Variants in PPP1R13B observed in about 807,000 individuals in gnomAD.
The protein encoded by PPP1R13B is protein phosphatase 1 regulatory subunit 13B.
In PPP1R13B, 44 loss-of-function variants were observed where a neutral mutation model predicts 119.8. That is an observed-to-expected ratio of 0.37 (90% confidence interval 0.29 to 0.47). PPP1R13B has a LOEUF of 0.47. Ranked by LOEUF, PPP1R13B falls within the 20% of genes least tolerant of loss-of-function variation. The probability of loss-of-function intolerance (pLI) is 0.99; values close to 1 mark genes in which losing one functional copy is unlikely to be tolerated. For missense variants in PPP1R13B, 1,227 were observed against 1,413.5 expected (o/e 0.87, Z 2.12); for synonymous variants, 542 against 561.5 (o/e 0.97, Z 0.49).
At chr14:103,741,502 AT>A (rs1385057287) in intron 11 of PPP1R13B, among the ~76,000 whole-genome samples, 3 of 152,304 alleles carry the variant, frequency 2.0e-5, no homozygotes, top group Admixed American at 2.0e-4. Flanking sequence ...AAAAGAGGAA[AT>A]TCTCGACATC....
At chr14:103,781,429 C>T (rs2085332126) in intron 3 of PPP1R13B, among the ~76,000 whole-genome samples, 1 of 152,150 alleles carries the variant, frequency 6.6e-6, no homozygotes, top group Non-Finnish European at 1.5e-5. Flanking sequence ...TTCTAAAAGA[C>T]AGCCTTATGC....
intron 9 of PPP1R13B, among the ~76,000 whole-genome samples, chr14:103,745,670 C>T (rs921381127): frequency 5.9e-5 from 9 of 152,206 alleles, no homozygotes; most frequent in Admixed American, 4.6e-4. Flanking sequence ...GAGGACAGAG[C>T]GCTGTTTGTA....
Position 103,746,800 on chromosome 14 carries a change from G to A in PPP1R13B, c.970-247C>T, listed in dbSNP as rs11845353. 859 of 325,054 alleles carry A rather than the reference G, an allele frequency of 2.6e-3. 7 individuals carry two copies. The highest frequency in any genetic ancestry group is 0.017 in the African/African-American group (787 of 46,962). The allele number at this position is 325,054 out of a possible 1,614,324, so 20.1% of individuals were successfully genotyped here. A position where few individuals can be genotyped will look rare whatever the true frequency, so the allele number is the denominator to read the frequency against. Reference sequence around the variant, plus strand: ...GTACACATGAGGAGCTGATGTGAGGGCAGAGCAACTTCCCCGTGATCCACA... The same window carrying A: ...GTACACATGAGGAGCTGATGTGAGGACAGAGCAACTTCCCCGTGATCCACA... On this transcript the variant is annotated intron_variant, in intron 8 of 16. Transcript: ENST00000202556.
At chr14:103,817,664 A>G (rs2086311558) in intron 1 of PPP1R13B, among the ~76,000 whole-genome samples, 1 of 152,138 alleles carries the variant, frequency 6.6e-6, no homozygotes, top group Admixed American at 6.5e-5. Flanking sequence ...CCATTTATTA[A>G]TAATAAAAAT....
intron 5 of PPP1R13B, among the ~76,000 whole-genome samples, chr14:103,756,518 T>A (rs190982901): frequency 1.3e-5 from 2 of 152,228 alleles, no homozygotes; most frequent in Non-Finnish European, 2.9e-5. Context: ...ATAACCAGTG[T>A]AGAACTCAGT....
At chr14:103,788,343 T>C (rs1298354046) in intron 2 of PPP1R13B, among the ~76,000 whole-genome samples, 1 of 152,208 alleles carries the variant, frequency 6.6e-6, no homozygotes, top group African/African-American at 2.4e-5. Flanking sequence ...CCATCTGTGT[T>C]GAACATTCCA....
At chr14:103,832,065 T>C (rs1294806946) in intron 1 of PPP1R13B, among the ~76,000 whole-genome samples, 4 of 151,592 alleles carry the variant, frequency 2.6e-5, no homozygotes, top group Non-Finnish European at 5.9e-5. Flanking sequence ...AGTAAGTCTG[T>C]CACTGCATTC....
At chr14:103,770,809 C>A (rs944581889) in intron 4 of PPP1R13B, among the ~76,000 whole-genome samples, 9 of 152,128 alleles carry the variant, frequency 5.9e-5, no homozygotes, top group African/African-American at 2.2e-4. Flanking sequence ...TGAGTTGGCA[C>A]AACAGTAAGG....
intron 2 of PPP1R13B, among the ~76,000 whole-genome samples, chr14:103,793,540 T>C (rs1215741986): frequency 6.6e-6 from 1 of 152,210 alleles, no homozygotes; most frequent in Non-Finnish European, 1.5e-5. Context: ...AAATTAAACC[T>C]TTTTCCTTTA....
intron 6 of PPP1R13B, 81 bp downstream of exon 6, chr14:103,753,989 G>C (rs1042903627): frequency 5.7e-5 from 84 of 1,484,060 alleles, no homozygotes; most frequent in Admixed American, 1.3e-4. Context: ...ATTTGTGACT[G>C]AATTGTCAGG....
intron 6 of PPP1R13B, among the ~76,000 whole-genome samples, chr14:103,753,840 G>T (rs1324392332): frequency 6.6e-6 from 1 of 152,046 alleles, no homozygotes; most frequent in Non-Finnish European, 1.5e-5. Flanking sequence ...TGACCTCCCA[G>T]GCTCAAGCAA....
chr14:103,764,164 T>C (rs1380610219), intron 4 of PPP1R13B: 1 of 157,360 alleles, frequency 6.4e-6, no homozygotes, highest in Non-Finnish European at 1.4e-5. Context: ...ATGGTGAGTT[T>C]ATGTTTAGCT....
intron 2 of PPP1R13B, among the ~76,000 whole-genome samples, chr14:103,797,009 C>A: frequency 7.3e-6 from 1 of 137,346 alleles, no homozygotes. Context: ...TTCATAGGAG[C>A]ATTATTCATA....
At chr14:103,812,523 G>A (rs1308878438) in intron 1 of PPP1R13B, among the ~76,000 whole-genome samples, 4 of 151,952 alleles carry the variant, frequency 2.6e-5, no homozygotes, top group Non-Finnish European at 4.4e-5. Context: ...GGGTTCGAGC[G>A]ATTCTCGTGA....
chr14:103,770,463 C>G (rs1174302226), intron 4 of PPP1R13B, among the ~76,000 whole-genome samples: 1 of 151,766 alleles, frequency 6.6e-6, no homozygotes, highest in Non-Finnish European at 1.5e-5. Flanking sequence ...TGCAGTGAGT[C>G]GAGATTGTGC....
In PPP1R13B at chr14:103,813,356, T is replaced by C. The variant is rs562574015; in HGVS notation, c.10-15838A>G. ...AAAAAATAAGACAGTACACTGCCCA[T>C]GGAAAGGGTAAGATATGGTTTGGCT... On this transcript the variant is annotated intron_variant, in intron 1 of 16. Transcript: ENST00000202556. 4.6e-5 allele frequency among the ~76,000 whole-genome samples: 7 copies of C among 152,268 alleles called. No homozygotes were observed. In the East Asian group the frequency reaches 5.8e-4, roughly 13 times the overall value.
intron 1 of PPP1R13B, among the ~76,000 whole-genome samples, chr14:103,828,084 C>T (rs1209060195): frequency 2.6e-5 from 4 of 151,882 alleles, no homozygotes; most frequent in Non-Finnish European, 5.9e-5. Context: ...ATAAAAAGCA[C>T]GGCCGGGTGC....
chr14:103,794,635 G>A (rs1047403621), intron 2 of PPP1R13B: 1 of 446,778 alleles, frequency 2.2e-6, no homozygotes, highest in Non-Finnish European at 4.5e-6. Flanking sequence ...GCCAGGTGCA[G>A]TAAGTTTTAT....
intron 6 of PPP1R13B, 34 bp from the exon 7 acceptor site, chr14:103,753,230 T>C (rs2084592763): frequency 6.5e-7 from 1 of 1,545,192 alleles, no homozygotes; most frequent in African/African-American, 1.6e-5. Context: ...GAATAAAAGA[T>C]TTAGTTGATC....
Sources: gnomAD v4.1 joint callset for allele counts (sites outside exome capture counted in the v4.1 genomes callset) on GRCh38, gnomAD v4.1.1 for gene constraint, MANE v1.5 for transcripts, NCBI Gene and HGNC (gene_info 2026-07-23, HGNC 2026-07-21) for gene names.